Variants in ABCD2 observed in about 807,000 individuals in gnomAD.
The protein encoded by ABCD2 is ATP-binding cassette sub-family D member 2.
ABCD2 carries 36 observed loss-of-function variants against 70.9 expected under a neutral mutation model. The ratio of observed to expected loss-of-function variants is 0.51; its 90% CI spans 0.39 to 0.67. The LOEUF is 0.67. Among genes scored for constraint, ABCD2 ranks in the 30% least tolerant of loss-of-function variants. The pLI is 0.00. For missense variants in ABCD2, 729 were observed against 890.2 expected (o/e 0.82, Z 2.30); for synonymous variants, 304 against 306.9 (o/e 0.99, Z 0.10).
At chr12:39,574,861 T>G (rs992930347) in intron 8 of ABCD2, among the ~76,000 whole-genome samples, 5 of 152,198 alleles carry the variant, frequency 3.3e-5, no homozygotes, top group Admixed American at 2.0e-4. Context: ...GATTTGCTTA[T>G]TAATAGAATC....
chr12:39,542,016 A>G, the ABCD2 span, among the ~76,000 whole-genome samples: 1 of 152,256 alleles, frequency 6.6e-6, no homozygotes, highest in Admixed American at 6.5e-5. Context: ...GGAAAGCAGC[A>G]TAGGGTGGGC....
chr12:39,557,874 T>C (rs1207335597), intron 9 of ABCD2, among the ~76,000 whole-genome samples: 1 of 152,230 alleles, frequency 6.6e-6, no homozygotes, highest in East Asian at 1.9e-4. Flanking sequence ...AGAAGTTTGC[T>C]GCAGGGTCAG....
intron 9 of ABCD2, among the ~76,000 whole-genome samples, chr12:39,554,606 AT>A (rs1347171494): frequency 4.6e-5 from 7 of 152,226 alleles, no homozygotes; most frequent in African/African-American, 1.4e-4. Flanking sequence ...TCAATAATAA[AT>A]ATAGTTTAAA....
intron 9 of ABCD2, among the ~76,000 whole-genome samples, chr12:39,560,724 C>T (rs1003220643): frequency 2.0e-5 from 3 of 151,942 alleles, no homozygotes; most frequent in South Asian, 2.1e-4. Flanking sequence ...AAAGATTGTG[C>T]CTTTTTTGCA....
chr12:39,605,573 C>T (rs986621802), intron 3 of ABCD2, among the ~76,000 whole-genome samples: 10 of 151,972 alleles, frequency 6.6e-5, no homozygotes, highest in African/African-American at 2.2e-4. Context: ...AGCTAAATCT[C>T]TACTTTAGTC....
At chr12:39,607,751 T>C in intron 2 of ABCD2, 37 bp from the exon 3 acceptor site, 1 of 1,335,254 alleles carries the variant, frequency 7.5e-7, no homozygotes, top group Non-Finnish European at 1.0e-6. Flanking sequence ...TTGAGTTTTT[T>C]TTTTTTTTTT....
the ABCD2 span, among the ~76,000 whole-genome samples, chr12:39,534,768 AAGAAAGAAAGAAAGAAAG>A: frequency 1.8e-4 from 6 of 33,798 alleles, no homozygotes; most frequent in Non-Finnish European, 3.7e-4. Context: ...AAGAGAAAGA[AAGAAAGAAAGAAAGAAAG>A]AAAGAAAGAA....
chr12:39,572,842 T>C (rs574508159), intron 9 of ABCD2, among the ~76,000 whole-genome samples: 58 of 152,262 alleles, frequency 3.8e-4, no homozygotes, highest in African/African-American at 1.3e-3. Context: ...GGCCAAAGCA[T>C]ATATAGAGAC....
chr12:39,566,596 A>AT (rs1445612964), intron 9 of ABCD2, among the ~76,000 whole-genome samples: 2 of 151,936 alleles, frequency 1.3e-5, no homozygotes. Context: ...GGATTCATTG[A>AT]TTTTTTTGAA....
At position 39,619,676 on chromosome 12, in the gene ABCD2, A is replaced by G; in HGVS notation, c.-61T>C. ...CGTTTTAAAAGATCATGCTTCACAG[A>G]AATCCCCAGCAAATGTTTTAGAAAG... On this transcript the variant is annotated 5_prime_UTR_variant, in exon 1 of 10. Coordinates refer to ENST00000308666, the MANE Select transcript of ABCD2 (RefSeq NM_005164.4). 1.4e-6 allele frequency: 2 copies of G among 1,439,140 alleles called. No individual in the cohort carries two copies. Among genetic ancestry groups the G allele is most frequent in the Non-Finnish European group, 1.9e-6 (2 of 1,062,160 alleles). The allele number at this position is 1,439,140 out of a possible 1,614,324, so 89.1% of individuals were successfully genotyped here.
chr12:39,555,936 T>C (rs545157149), intron 9 of ABCD2, among the ~76,000 whole-genome samples: 27 of 152,314 alleles, frequency 1.8e-4, no homozygotes, highest in African/African-American at 6.0e-4. Flanking sequence ...ACCCTGACAC[T>C]GCACCATCCA....
intron 6 of ABCD2, among the ~76,000 whole-genome samples, chr12:39,600,228 C>T (rs1215848116): frequency 1.3e-5 from 2 of 151,916 alleles, no homozygotes; most frequent in South Asian, 2.1e-4. Context: ...TATACTTATC[C>T]GGGTGTTATT....
At chr12:39,592,241 G>A (rs544709192) in intron 6 of ABCD2, among the ~76,000 whole-genome samples, 1 of 152,170 alleles carries the variant, frequency 6.6e-6, no homozygotes, top group South Asian at 2.1e-4. Flanking sequence ...CCTTCCTTGT[G>A]GTTAAAATAA....
At chr12:39,562,216 A>G (rs1941270625) in intron 9 of ABCD2, among the ~76,000 whole-genome samples, 1 of 152,144 alleles carries the variant, frequency 6.6e-6, no homozygotes, top group African/African-American at 2.4e-5. Context: ...ATTTATAGCA[A>G]CAAATACCTG....
intron 7 of ABCD2, among the ~76,000 whole-genome samples, chr12:39,580,105 A>G (rs983749051): frequency 2.0e-5 from 3 of 152,212 alleles, no homozygotes; most frequent in African/African-American, 4.8e-5. Flanking sequence ...TTTATAAGTG[A>G]GCAACTGTAG....
At chr12:39,613,530 C>CTATTATAGTTAGTGT (rs1324402063) in intron 2 of ABCD2, among the ~76,000 whole-genome samples, 1 of 150,728 alleles carries the variant, frequency 6.6e-6, no homozygotes, top group Non-Finnish European at 1.5e-5. Context: ...AATAGAAACT[C>CTATTATAGTTAGTGT]TACATAACTA....
At position 39,550,194 on chromosome 12, in the gene ABCD2, T is replaced by C. The variant is rs1941068385; in HGVS notation, c.*3718A>G. The C allele has an allele frequency of 6.6e-6, 1 of 151,870 alleles. No homozygotes were observed. Among genetic ancestry groups the C allele is most frequent in the Non-Finnish European group, 1.5e-5 (1 of 67,712 alleles). 9.4% of individuals were successfully genotyped at this position (151,870 alleles called of 1,614,324 possible). A position where few individuals can be genotyped will look rare whatever the true frequency, so the allele number is the denominator to read the frequency against. On this transcript the variant is annotated 3_prime_UTR_variant, in exon 10 of 10. Coordinates refer to ENST00000308666, the MANE Select transcript of ABCD2 (RefSeq NM_005164.4). ...CTACACACGGTTATATACAATACAA[T>C]GTCTAAGTAAGGCGTATATAGACAT...
At chr12:39,533,119 C>G in the ABCD2 span, among the ~76,000 whole-genome samples, 5 of 151,720 alleles carry the variant, frequency 3.3e-5, no homozygotes, top group Non-Finnish European at 7.4e-5. Flanking sequence ...GAGCCGAGAT[C>G]GTGTCATTGC....
chr12:39,608,180 G>A (rs113190436), intron 2 of ABCD2, among the ~76,000 whole-genome samples: 2,086 of 151,074 alleles, frequency 0.014, 52 homozygotes, highest in African/African-American at 0.047. Flanking sequence ...AAGAAGAAAG[G>A]AAAGGAAAAA....
Sources: allele counts gnomAD v4.1 joint callset (sites outside exome capture counted in the v4.1 genomes callset), GRCh38; gene constraint gnomAD v4.1.1; transcripts MANE v1.5; gene names NCBI Gene and HGNC (gene_info 2026-07-23, HGNC 2026-07-21).